The following RUNX3 variants were observed in gnomAD, a reference collection of about 807,000 sequenced individuals.
The protein encoded by RUNX3 is runt-related transcription factor 3.
Under a neutral mutation model 27.7 loss-of-function variants are expected in RUNX3, and 10 were observed. That is an observed-to-expected ratio of 0.36 (90% CI 0.22 to 0.61). The LOEUF (loss-of-function observed/expected upper bound fraction) is 0.61. Among genes scored for constraint, RUNX3 ranks in the 20% least tolerant of loss-of-function variants. The pLI is 0.72. For synonymous variants in RUNX3, 270 were observed against 269.2 expected (o/e 1.00, Z -0.03); for missense variants, 469 against 629.5 (o/e 0.75, Z 2.73).
In RUNX3 at chr1:24,923,697, G is replaced by A. The variant is rs1362837359; in HGVS notation, c.439+3877C>T. On this transcript the variant is annotated intron_variant, in intron 2 of 4. Coordinates refer to ENST00000308873, the MANE Select transcript of RUNX3 (RefSeq NM_004350.3). The surrounding 1 kb of genome is among the most constrained non-coding windows in gnomAD (Gnocchi z 5.9). ...CACAGGAGCTGCATGGGTGGGGGGA[G>A]GGGACGTGTCTCAGTCTCAGGGGAC... 1.3e-5 allele frequency among the ~76,000 whole-genome samples: 2 copies of A among 152,120 alleles called. No individual in the cohort carries two copies. The highest frequency in any genetic ancestry group is 1.3e-4 in the Admixed American group (2 of 15,272).
rs371659166 is a variant in RUNX3, at chr1:24,964,649, A to AT, written c.-79dup. Reference sequence around the variant, plus strand: ...GATTCACTTGGTTGGCTGTTGTTTTATTTTTTTTTCCTCTAGCTACTTTTG... The same window carrying AT: ...GATTCACTTGGTTGGCTGTTGTTTTATTTTTTTTTTCCTCTAGCTACTTTTG... On this transcript the variant is annotated 5_prime_UTR_variant, in exon 2 of 7. Transcript: ENST00000338888. 1,185 of 1,496,780 alleles carry AT rather than the reference A, an allele frequency of 7.9e-4. 6 individuals carry two copies. The African/African-American group carries it at 1.0e-2, about 13-fold the overall frequency. The allele number at this position is 1,496,780 out of a possible 1,614,324, so 92.7% of individuals were successfully genotyped here.
chr1:24,915,685 A>G (rs1640875812), intron 3 of RUNX3, among the ~76,000 whole-genome samples: 1 of 152,008 alleles, frequency 6.6e-6, no homozygotes, highest in Non-Finnish European at 1.5e-5. Context: ...TAGAAAAAAG[A>G]GCAGTGCAAA....
At position 24,916,276 on chromosome 1, in the gene RUNX3, C is replaced by T. The variant is rs946552694; in HGVS notation, c.544+2964G>A. 2.6e-5 allele frequency among the ~76,000 whole-genome samples: 4 copies of T among 152,214 alleles called. No individual in the cohort carries two copies. Among genetic ancestry groups the T allele is most frequent in the African/African-American group, 4.8e-5 (2 of 41,438 alleles). On this transcript the variant is annotated intron_variant, in intron 3 of 4. Coordinates refer to ENST00000308873, the MANE Select transcript of RUNX3 (RefSeq NM_004350.3). This position sits in a 1 kb window ranked among gnomAD's most constrained non-coding sequence, Gnocchi z 4.8. ...GGGGGCACTTCCTGGGGCCAGGCCC[C>T]GGTAAACTCAGTCAACCTTCACAGC...
At chr1:24,948,698 G>C (rs1194530957) in intron 2 of RUNX3, among the ~76,000 whole-genome samples, 2 of 151,054 alleles carry the variant, frequency 1.3e-5, no homozygotes, top group African/African-American at 2.4e-5. Context: ...GTGCATGGGA[G>C]AGAAGGGTTT....
Position 24,904,829 on chromosome 1 carries a change from A to AC in RUNX3, c.704-2164dup, listed in dbSNP as rs1640632180. Among the ~76,000 whole-genome samples, 1 of 150,752 alleles carries AC rather than the reference A, an allele frequency of 6.6e-6. No homozygotes were observed. The highest frequency in any genetic ancestry group is 2.4e-5 in the African/African-American group (1 of 40,986). On this transcript the variant is annotated intron_variant, in intron 4 of 4. Transcript: ENST00000308873. This position sits in a 1 kb window ranked among gnomAD's most constrained non-coding sequence, Gnocchi z 5.7. ...GTACCTGCCCTCAGCACTCCCTCAG[A>AC]CCCCCCAGCAGCTTCCTTGGAGCTC...
chr1:24,958,767 C>T (rs1272911328), intron 2 of RUNX3, among the ~76,000 whole-genome samples: 1 of 152,190 alleles, frequency 6.6e-6, no homozygotes, highest in Non-Finnish European at 1.5e-5. Context: ...CGGACTGAAG[C>T]TCAGGAGGAC....
At chr1:24,942,220 C>A (rs1237514971) in intron 2 of RUNX3, among the ~76,000 whole-genome samples, 1 of 152,070 alleles carries the variant, frequency 6.6e-6, no homozygotes, top group Non-Finnish European at 1.5e-5. Context: ...AAGAAACAGA[C>A]AGAGGAAAAG....
upstream of RUNX3, among the ~76,000 whole-genome samples, chr1:24,931,947 C>G (rs1172389203): frequency 6.6e-6 from 1 of 152,244 alleles, no homozygotes. Flanking sequence ...AGCAGCAGAA[C>G]TAGAGGAAAG....
chr1:24,959,657 A>G (rs976052126), intron 2 of RUNX3, among the ~76,000 whole-genome samples: 1 of 152,100 alleles, frequency 6.6e-6, no homozygotes, highest in African/African-American at 2.4e-5. Flanking sequence ...TTCGGAAAGG[A>G]TACAGTGACT....
rs559706345 is a variant in RUNX3, at chr1:24,924,297, G to A, written c.439+3277C>T. On this transcript the variant is annotated intron_variant, in intron 2 of 4. Transcript: ENST00000308873. ...GTGGGAGGACTGCTTGAGACCAGGA[G>A]GTTGAGACTGCAGTGATCGCACCAC... Among the ~76,000 whole-genome samples, 401 of 152,232 alleles carry A rather than the reference G, an allele frequency of 2.6e-3. 2 individuals carry two copies. The highest frequency in any genetic ancestry group is 0.02 in the Middle Eastern group (6 of 294).
At chr1:24,932,062 C>T (rs1641241714), upstream of RUNX3, among the ~76,000 whole-genome samples, 1 of 152,198 alleles carries the variant, frequency 6.6e-6, no homozygotes, top group Admixed American at 6.5e-5. Context: ...ACACGTGCTG[C>T]CCTCGAGCAG....
At position 24,916,085 on chromosome 1, in the gene RUNX3, C is replaced by T. The variant is rs1003699; in HGVS notation, c.544+3155G>A. 0.076 allele frequency among the ~76,000 whole-genome samples: 11,569 copies of T among 152,288 alleles called. 681 individuals carry two copies. The highest frequency in any genetic ancestry group is 0.16 in the African/African-American group (6,621 of 41,534). On this transcript the variant is annotated intron_variant, in intron 3 of 4. Transcript: ENST00000308873. This position sits in a 1 kb window ranked among gnomAD's most constrained non-coding sequence, Gnocchi z 4.8. Reference sequence around the variant, plus strand: ...CGGCCACAGAACCCACAGCCGGCCTCAGGGATCTACAGATTCCCAGTCCTT... The same window carrying T: ...CGGCCACAGAACCCACAGCCGGCCTTAGGGATCTACAGATTCCCAGTCCTT...
Position 24,930,168 on chromosome 1 carries a change from G to T in RUNX3, c.-300C>A. ...TCCCGGCTGCCTGGGCCGCGGCGGG[G>T]CCCGCGCGGGGCTGTGCCGCTGCCG... On this transcript the variant is annotated 5_prime_UTR_variant, in exon 1 of 5. Transcript: ENST00000308873. The surrounding 1 kb of genome is among the most constrained non-coding windows in gnomAD (Gnocchi z 4.1). 1 of 975,856 alleles carries T rather than the reference G, an allele frequency of 1.0e-6. No homozygotes were observed. Among genetic ancestry groups the T allele is most frequent in the Non-Finnish European group, 1.2e-6 (1 of 824,824 alleles). The allele number at this position is 975,856 out of a possible 1,614,324, so 60.4% of individuals were successfully genotyped here. A position where few individuals can be genotyped will look rare whatever the true frequency, so the allele number is the denominator to read the frequency against.
At chr1:24,958,711 A>T (rs1642015736) in intron 2 of RUNX3, among the ~76,000 whole-genome samples, 1 of 151,770 alleles carries the variant, frequency 6.6e-6, no homozygotes, top group Non-Finnish European at 1.5e-5. Flanking sequence ...CTTTACTTCC[A>T]CTAAGCAAGG....
chr1:24,906,868 G>C (rs1640674136), intron 4 of RUNX3, among the ~76,000 whole-genome samples: 2 of 152,220 alleles, frequency 1.3e-5, no homozygotes, highest in African/African-American at 2.4e-5. Flanking sequence ...AAAAATCGCA[G>C]GCTGTGGGGC....
At chr1:24,913,830 A>C (rs1300370247) in intron 3 of RUNX3, among the ~76,000 whole-genome samples, 16 of 152,190 alleles carry the variant, frequency 1.1e-4, no homozygotes, top group Non-Finnish European at 1.9e-4. Context: ...GGGAACCAAG[A>C]GACCATCAGG....
intron 3 of RUNX3, among the ~76,000 whole-genome samples, chr1:24,917,471 G>A (rs867283457): frequency 4.6e-5 from 7 of 152,122 alleles, no homozygotes; most frequent in African/African-American, 1.4e-4. Context: ...TCTGTGCTAC[G>A]GCCACGTGCT....
intron 2 of RUNX3, among the ~76,000 whole-genome samples, chr1:24,950,671 G>C (rs1184514831): frequency 6.6e-6 from 1 of 152,152 alleles, no homozygotes; most frequent in African/African-American, 2.4e-5. Flanking sequence ...TGGAGTATCT[G>C]GGGTACCTGG....
At chr1:24,908,748 C>T (rs1640740384) in intron 3 of RUNX3, among the ~76,000 whole-genome samples, 1 of 152,210 alleles carries the variant, frequency 6.6e-6, no homozygotes, top group Non-Finnish European at 1.5e-5. Context: ...GGAGCACTGC[C>T]ACCCTCTGCC....
Sources: gnomAD v4.1 joint callset for allele counts (sites outside exome capture counted in the v4.1 genomes callset) on GRCh38, gnomAD v4.1.1 for gene constraint, Gnocchi (gnomAD v3.1) non-coding constraint, MANE v1.5 for transcripts, NCBI Gene and HGNC (gene_info 2026-07-23, HGNC 2026-07-21) for gene names.